NECTIN2: variants seen among roughly 807,000 people sequenced by gnomAD.
NECTIN2 encodes nectin-2.
A neutral mutation model predicts 56.9 loss-of-function variants in NECTIN2; 23 were observed. The ratio of observed to expected loss-of-function variants is 0.40; its 90% confidence interval spans 0.29 to 0.57. The LOEUF is 0.57. Among genes scored for constraint, NECTIN2 ranks in the 20% least tolerant of loss-of-function variants. NECTIN2 has a pLI of 0.38. For synonymous variants in NECTIN2, 302 were observed against 313.8 expected, an observed-to-expected ratio of 0.96 and a Z score of 0.40; for missense variants, 587 against 718.3, an observed-to-expected ratio of 0.82 and a Z score of 2.09.
At chr19:44,882,148 G>T in intron 5 of NECTIN2, 63 bp from the exon 6 acceptor site, 6 of 1,333,026 alleles carry the variant, frequency 4.5e-6, no homozygotes, top group Non-Finnish European at 5.8e-6. Context: ...TGGGATGGTC[G>T]CTTGGAATAA....
intron 3 of NECTIN2, among the ~76,000 whole-genome samples, chr19:44,872,833 TTATA>T (rs1461125977): frequency 2.7e-5 from 4 of 147,730 alleles, no homozygotes; most frequent in Non-Finnish European, 4.5e-5. Flanking sequence ...ATATTATATA[TTATA>T]TAAAATATAT....
chr19:44,862,771 T>C (rs980715687), intron 1 of NECTIN2, among the ~76,000 whole-genome samples: 7 of 152,036 alleles, frequency 4.6e-5, no homozygotes, highest in Admixed American at 3.9e-4. Context: ...TCCCAGCACT[T>C]TGGGAGGCCG....
chr19:44,887,542 GGCTGAGGCAGGAGAATC>G lies in NECTIN2; in HGVS notation c.1348-564_1348-548del, dbSNP rs1281835247. On this transcript the variant is annotated intron_variant, in intron 8 of 8. Coordinates refer to ENST00000252483, the MANE Select transcript of NECTIN2 (RefSeq NM_001042724.2). ...CGCCTGTAATCCCAGCTACTTGGGA[GGCTGAGGCAGGAGAATC>G]GCTTGGACCCGGGAGGCAGAGGTTG... is the stretch of plus-strand genomic sequence containing the variant. Among the ~76,000 whole-genome samples, 26 of 152,264 alleles carry G rather than the reference GGCTGAGGCAGGAGAATC, an allele frequency of 1.7e-4. 2 individuals carry two copies. Among genetic ancestry groups the G allele is most frequent in the African/African-American group, 5.8e-4 (24 of 41,544 alleles).
chr19:44,888,659 G>C lies in NECTIN2; in HGVS notation c.*280G>C. 2.2e-6 allele frequency: 1 copy of C among 463,058 alleles called. No homozygotes were observed. The highest frequency in any genetic ancestry group is 3.9e-6 in the Non-Finnish European group (1 of 255,524). 28.7% of individuals were successfully genotyped at this position (463,058 alleles called of 1,614,324 possible). A position where few individuals can be genotyped will look rare whatever the true frequency, so the allele number is the denominator to read the frequency against. On this transcript the variant is annotated 3_prime_UTR_variant, in exon 9 of 9. Transcript: ENST00000252483. ...CCCAAGGACTCCTCTCCCAGACTGT[G>C]ACCTTAGACCATACCTCTCACCCCC...
Position 44,865,646 on chromosome 19 carries a change from G to A in NECTIN2, c.464G>A (p.Trp155Ter). The A allele has an allele frequency of 1.3e-6, 2 of 1,530,474 alleles. No homozygotes were observed. The highest frequency in any genetic ancestry group is 1.8e-6 in the Non-Finnish European group (2 of 1,142,276). The allele number at this position is 1,530,474 out of a possible 1,614,324, so 94.8% of individuals were successfully genotyped here. The change falls in exon 2 of 9, where the codon TGG becomes TAG. Residue 155 changes from tryptophan (W) to a stop codon, truncating the protein, a stop_gained. Transcript: ENST00000252483. LOFTEE classifies it high-confidence loss of function. This position sits in a 1 kb window ranked among gnomAD's most constrained non-coding sequence, Gnocchi z 5.2. ...FPKGSVRGMT[W>*]LRVIAKPKNQ... The stretch of plus-strand genomic sequence containing the variant: ...AAGGGGTCCGTCCGAGGGATGACCT[G>A]GCTCAGAGTCATAGGTGAGCAGGGT...
chr19:44,866,847 G>A (rs1309690764), intron 2 of NECTIN2, among the ~76,000 whole-genome samples: 1 of 152,052 alleles, frequency 6.6e-6, no homozygotes, highest in East Asian at 1.9e-4. Flanking sequence ...GAAAGAATGG[G>A]AGCTGAGAAA....
intron 3 of NECTIN2, among the ~76,000 whole-genome samples, chr19:44,872,787 GTATTTAT>G (rs148251724): frequency 0.28 from 39,589 of 142,798 alleles, 5,720 homozygotes; most frequent in East Asian, 0.51. Flanking sequence ...TATTTACATT[GTATTTAT>G]TATTTATTAT....
At chr19:44,853,342 G>T (rs974251353) in intron 1 of NECTIN2, among the ~76,000 whole-genome samples, 21 of 151,884 alleles carry the variant, frequency 1.4e-4, no homozygotes, top group African/African-American at 4.4e-4. Context: ...GACTACAGGG[G>T]CCTGCCACCA....
In NECTIN2 at chr19:44,863,182, G is replaced by C. The variant is rs191168132; in HGVS notation, c.89-2089G>C. On this transcript the variant is annotated intron_variant, in intron 1 of 8. Transcript: ENST00000252483. The stretch of plus-strand genomic sequence containing the variant: ...GTCTCAAAAAAAAGAAAAATTGACT[G>C]TTGGAAGCCAGGTGCATTGGTGCAT... Among the ~76,000 whole-genome samples, 10 of 151,518 alleles carry C rather than the reference G, an allele frequency of 6.6e-5. No homozygotes were observed. In the East Asian group the frequency reaches 1.8e-3, roughly 27 times the overall value.
At position 44,865,697 on chromosome 19, in the gene NECTIN2, G is replaced by A. The variant is rs1341105171; in HGVS notation, c.478+37G>A. 2 of 1,475,976 alleles carry A rather than the reference G, an allele frequency of 1.4e-6. No homozygotes were observed. Among genetic ancestry groups the A allele is most frequent in the Non-Finnish European group, 1.8e-6 (2 of 1,111,934 alleles). 91.4% of individuals were successfully genotyped at this position (1,475,976 alleles called of 1,614,324 possible). A position where few individuals can be genotyped will look rare whatever the true frequency, so the allele number is the denominator to read the frequency against. On this transcript the variant is annotated intron_variant, in intron 2 of 8. Transcript: ENST00000252483. The surrounding 1 kb of genome is among the most constrained non-coding windows in gnomAD (Gnocchi z 5.2). ...AAGGGCGGGAGGCAAGGAGGTGGGA[G>A]GGCCGCGGTGTGGGAGCATCCCCTT...
intron 5 of NECTIN2, among the ~76,000 whole-genome samples, chr19:44,881,484 C>T (rs1309828083): frequency 6.7e-6 from 1 of 150,104 alleles, no homozygotes; most frequent in African/African-American, 2.5e-5. Context: ...CAAGACCAGC[C>T]TGGGCAACAT....
At chr19:44,885,560 C>T (rs1969352123) in intron 6 of NECTIN2, among the ~76,000 whole-genome samples, 1 of 152,162 alleles carries the variant, frequency 6.6e-6, no homozygotes, top group South Asian at 2.1e-4. Context: ...GATCCGCCCG[C>T]CTCAGCCTCC....
chr19:44,861,991 T>C (rs2436475), intron 1 of NECTIN2, among the ~76,000 whole-genome samples: 50,551 of 152,136 alleles, frequency 0.33, 9,246 homozygotes, highest in Non-Finnish European at 0.39. Flanking sequence ...ATCCCATTAC[T>C]GGTATATACC....
Position 44,874,232 on chromosome 19 carries a change from C to T in NECTIN2, c.894-98C>T, listed in dbSNP as rs543346657. On this transcript the variant is annotated intron_variant, in intron 4 of 8. Transcript: ENST00000252483. The surrounding 1 kb of genome is among the most constrained non-coding windows in gnomAD (Gnocchi z 6.3). ...TGGGGTCTCCGGGAGTACTTAGGTC[C>T]CTGGAGCTTGGCTCCTGGTGGGTGT... is the stretch of plus-strand genomic sequence containing the variant. 15 of 1,467,852 alleles carry T rather than the reference C, an allele frequency of 1.0e-5. No individual in the cohort carries two copies. In the South Asian group the frequency reaches 1.3e-4, roughly 13 times the overall value. The allele number at this position is 1,467,852 out of a possible 1,614,324, so 90.9% of individuals were successfully genotyped here. A position where few individuals can be genotyped will look rare whatever the true frequency, so the allele number is the denominator to read the frequency against.
At chr19:44,885,606 C>G (rs924186301) in intron 6 of NECTIN2, among the ~76,000 whole-genome samples, 1 of 152,178 alleles carries the variant, frequency 6.6e-6, no homozygotes, top group Non-Finnish European at 1.5e-5. Flanking sequence ...GCCACTGCCC[C>G]CAGCCCAACA....
Position 44,871,974 on chromosome 19 carries a change from G to A in NECTIN2, c.600G>A (p.Leu200=). Residue 200 remains leucine, a synonymous_variant, in exon 3 of 9, where the codon CTG becomes CTA. Coordinates refer to ENST00000252483, the MANE Select transcript of NECTIN2 (RefSeq NM_001042724.2). The part of the protein sequence containing the change: ...PPARISWLSS[L]DWEAKETQVS... ...CCCGGATCTCCTGGCTCTCATCCCT[G>A]GACTGGGAAGCCAAAGAGACTCAGG... 1.2e-6 allele frequency: 2 copies of A among 1,614,146 alleles called. No individual in the cohort carries two copies. Among genetic ancestry groups the A allele is most frequent in the Non-Finnish European group, 1.7e-6 (2 of 1,180,026 alleles).
chr19:44,884,514 C>T (rs1969339352), intron 6 of NECTIN2, among the ~76,000 whole-genome samples: 2 of 152,218 alleles, frequency 1.3e-5, no homozygotes, highest in African/African-American at 4.8e-5. Context: ...AGGTCTGTTA[C>T]ACCACTGTCT....
At chr19:44,867,742 C>G (rs938028993) in intron 2 of NECTIN2, among the ~76,000 whole-genome samples, 4 of 152,082 alleles carry the variant, frequency 2.6e-5, no homozygotes, top group Non-Finnish European at 5.9e-5. Context: ...TGACCCTCAG[C>G]GGGGCCACAT....
intron 5 of NECTIN2, chr19:44,878,720 C>T (rs977007766): frequency 6.1e-5 from 92 of 1,497,428 alleles, no homozygotes; most frequent in East Asian, 1.6e-4. Flanking sequence ...TTCGTCTGGA[C>T]GACACTGGAG....
Sources: allele counts gnomAD v4.1 joint callset (sites outside exome capture counted in the v4.1 genomes callset), GRCh38; gene constraint gnomAD v4.1.1; non-coding constraint Gnocchi (gnomAD v3.1); transcripts MANE v1.5; gene names NCBI Gene and HGNC (gene_info 2026-07-23, HGNC 2026-07-21).